FRMD4A: variants seen among roughly 807,000 people sequenced by gnomAD.
The protein encoded by FRMD4A is FERM domain-containing protein 4A.
In FRMD4A, 29 loss-of-function variants were observed where a neutral mutation model predicts 129.1. That is an observed-to-expected ratio of 0.22 (90% CI 0.17 to 0.31). The LOEUF (loss-of-function observed/expected upper bound fraction) is 0.31, where lower values mean the gene tolerates loss of function less well. FRMD4A is among the 10% of genes least tolerant of loss of function. FRMD4A has a pLI of 1.00. For synonymous variants in FRMD4A, 634 were observed against 571.6 expected (o/e 1.11, Z -1.56); for missense variants, 1,272 against 1,375.8 (o/e 0.92, Z 1.19).
chr10:13,720,385 C>G lies in FRMD4A; in HGVS notation c.760-13272G>C, dbSNP rs559908181. Among the ~76,000 whole-genome samples the G allele has an allele frequency of 5.9e-5, 9 of 152,300 alleles. No individual in the cohort carries two copies. The South Asian group carries it at 1.2e-3, about 21-fold the overall frequency. On this transcript the variant is annotated intron_variant, in intron 12 of 24. Transcript: ENST00000357447. ...CTTAAAGCATCAATCAATGAGGCCA[C>G]TATCCACAGACATAAGGAGGAGTCT...
At chr10:13,842,365 C>A (rs558860041) in intron 3 of FRMD4A, among the ~76,000 whole-genome samples, 3 of 152,196 alleles carry the variant, frequency 2.0e-5, no homozygotes, top group Non-Finnish European at 2.9e-5. Flanking sequence ...GCCATTCATT[C>A]GTGCATGAGC....
chr10:14,321,761 G>A (rs1173143852), intron 2 of FRMD4A, among the ~76,000 whole-genome samples: 1 of 152,176 alleles, frequency 6.6e-6, no homozygotes, highest in Non-Finnish European at 1.5e-5. Context: ...CCTGCAGGTA[G>A]CCCAGGTGAT....
intron 2 of FRMD4A, among the ~76,000 whole-genome samples, chr10:14,121,805 G>A (rs566830180): frequency 6.6e-6 from 1 of 152,244 alleles, no homozygotes; most frequent in African/African-American, 2.4e-5. Flanking sequence ...GGGCCATTCC[G>A]GCTGGCTTTG....
At chr10:14,191,784 T>C (rs1321014870) in intron 2 of FRMD4A, among the ~76,000 whole-genome samples, 1 of 132,832 alleles carries the variant, frequency 7.5e-6, no homozygotes, top group East Asian at 2.4e-4. Flanking sequence ...AGTTTTCAGC[T>C]CAACTGGCTG....
intron 2 of FRMD4A, among the ~76,000 whole-genome samples, chr10:14,282,283 G>T (rs949346385): frequency 2.6e-5 from 4 of 152,098 alleles, no homozygotes; most frequent in Admixed American, 6.6e-5. Context: ...GGACCAGCAA[G>T]TGACCCTCCT....
chr10:14,270,360 A>G (rs1845123231), intron 2 of FRMD4A, among the ~76,000 whole-genome samples: 1 of 152,196 alleles, frequency 6.6e-6, no homozygotes, highest in African/African-American at 2.4e-5. Flanking sequence ...CTTTTGCAAT[A>G]TAAGGTAACA....
intron 24 of FRMD4A, 33 bp downstream of exon 24, chr10:13,651,870 T>C (rs765115368): frequency 9.5e-7 from 1 of 1,056,324 alleles, no homozygotes; most frequent in South Asian, 1.3e-5. Context: ...CACAGACTCA[T>C]GGGCAGTAGG....
chr10:13,816,853 A>G (rs1431069656), intron 3 of FRMD4A, among the ~76,000 whole-genome samples: 2 of 152,250 alleles, frequency 1.3e-5, no homozygotes, highest in Non-Finnish European at 2.9e-5. Context: ...AGGAGCCCAG[A>G]GGCCACGTGA....
chr10:13,672,057 C>A (rs114561873), intron 16 of FRMD4A, among the ~76,000 whole-genome samples: 2,761 of 152,340 alleles, frequency 0.018, 65 homozygotes, highest in African/African-American at 0.051. Flanking sequence ...GCTGTGTGCA[C>A]ATGTGTACGC....
intron 2 of FRMD4A, among the ~76,000 whole-genome samples, chr10:14,101,253 G>C (rs1242099691): frequency 1.3e-5 from 2 of 152,172 alleles, no homozygotes; most frequent in Admixed American, 1.3e-4. Context: ...GACGACTGCA[G>C]GATCTCCCAG....
chr10:13,911,763 T>G (rs1255607064), intron 2 of FRMD4A, among the ~76,000 whole-genome samples: 1 of 152,112 alleles, frequency 6.6e-6, no homozygotes, highest in East Asian at 1.9e-4. Flanking sequence ...GGTTTCACTG[T>G]GTTACCTAGG....
chr10:14,180,656 G>A (rs1213180495), intron 2 of FRMD4A, among the ~76,000 whole-genome samples: 1 of 152,212 alleles, frequency 6.6e-6, no homozygotes, highest in Non-Finnish European at 1.5e-5. Flanking sequence ...TTGTTATGCA[G>A]CCAATGGATA....
chr10:14,146,039 G>C (rs1840057630), intron 2 of FRMD4A, among the ~76,000 whole-genome samples: 1 of 152,180 alleles, frequency 6.6e-6, no homozygotes, highest in South Asian at 2.1e-4. Flanking sequence ...GTGGTTAAAA[G>C]CTCTGCCCTT....
intron 2 of FRMD4A, among the ~76,000 whole-genome samples, chr10:14,319,109 T>A (rs1003806133): frequency 6.6e-6 from 1 of 152,154 alleles, no homozygotes; most frequent in African/African-American, 2.4e-5. Context: ...CATCTACCCA[T>A]ACATATGAGT....
chr10:13,854,106 A>G (rs1057002306), intron 3 of FRMD4A, among the ~76,000 whole-genome samples: 6 of 152,194 alleles, frequency 3.9e-5, no homozygotes, highest in African/African-American at 1.4e-4. Context: ...GAAAGAGTCC[A>G]GAATCTTTCC....
rs932862761 is a variant in FRMD4A, at chr10:13,656,578, C to T, written c.2953+58G>A. 3.8e-6 allele frequency: 5 copies of T among 1,331,712 alleles called. No individual in the cohort carries two copies. The African/African-American group carries it at 6.1e-5, about 16-fold the overall frequency. 82.5% of individuals were successfully genotyped at this position (1,331,712 alleles called of 1,614,324 possible). ...GTACCTTCCCCGCGGTAGCCCTTGACACCGGCAAGCAGTTCGCCCTCAGGT... is the reference window on the plus strand; with the variant it reads ...GTACCTTCCCCGCGGTAGCCCTTGATACCGGCAAGCAGTTCGCCCTCAGGT... On this transcript the variant is annotated intron_variant, in intron 22 of 24. Coordinates refer to ENST00000357447, the MANE Select transcript of FRMD4A (RefSeq NM_018027.5).
chr10:14,145,345 C>A (rs1326994568), intron 2 of FRMD4A, among the ~76,000 whole-genome samples: 1 of 152,148 alleles, frequency 6.6e-6, no homozygotes, highest in African/African-American at 2.4e-5. Context: ...ATACAATTAA[C>A]TAATACAGAT....
intron 2 of FRMD4A, among the ~76,000 whole-genome samples, chr10:14,119,387 T>C (rs1838375217): frequency 6.6e-6 from 1 of 152,162 alleles, no homozygotes; most frequent in African/African-American, 2.4e-5. Flanking sequence ...AAACCCCAGG[T>C]ACCTGAACGA....
At chr10:13,797,412 C>T (rs1289284453) in intron 4 of FRMD4A, among the ~76,000 whole-genome samples, 1 of 152,176 alleles carries the variant, frequency 6.6e-6, no homozygotes, top group African/African-American at 2.4e-5. Flanking sequence ...GCAAGAGATC[C>T]TCAGAGGGGA....
Sources: allele counts gnomAD v4.1 joint callset (sites outside exome capture counted in the v4.1 genomes callset), GRCh38; gene constraint gnomAD v4.1.1; transcripts MANE v1.5; gene names NCBI Gene and HGNC (gene_info 2026-07-23, HGNC 2026-07-21).